Variants in RAX observed in about 807,000 individuals in gnomAD.
RAX encodes the protein retinal homeobox protein Rx.
RAX carries 11 observed loss-of-function variants against 17.4 expected under a neutral mutation model. The observed-to-expected ratio is 0.63, with a 90% CI of 0.40 to 1.05. RAX has a LOEUF of 1.05. Ranked by LOEUF, RAX falls within the 50% of genes least tolerant of loss-of-function variation. The pLI is 0.00. For synonymous variants in RAX, 276 were observed against 254.7 expected (o/e 1.08, Z -0.80); for missense variants, 527 against 501.1 (o/e 1.05, Z -0.49).
rs1486914123 is a variant in RAX, at chr18:59,272,424, G to T, written c.480C>A (p.Tyr160Ter). 6.2e-7 allele frequency: 1 copy of T among 1,614,138 alleles called. No individual in the cohort carries two copies. The highest frequency in any genetic ancestry group is 1.3e-5 in the African/African-American group (1 of 74,952). ...GCTCCTCGCGGCTGTACACGTCCGG[G>T]TAGTGGGACTTCTCGAACGCGCGCT... is the stretch of plus-strand genomic sequence containing the variant. ...ELERAFEKSH[Y>*]PDVYSREELA... is the part of the protein sequence containing the mutation. The change falls in exon 2 of 3, where the codon TAC (tyrosine) becomes TAA (stop). Residue 160 changes from tyrosine to a stop codon, truncating the protein, a stop_gained. Coordinates refer to ENST00000334889, the MANE Select transcript of RAX (RefSeq NM_013435.3). LOFTEE classifies it high-confidence loss of function.
intron 2 of RAX, among the ~76,000 whole-genome samples, chr18:59,271,878 T>C (rs1272385689): frequency 1.3e-5 from 2 of 152,168 alleles, no homozygotes; most frequent in African/African-American, 2.4e-5. Flanking sequence ...GAAAAGTCAG[T>C]TTCTTAAATA....
rs1262568707 is a variant in RAX at position 59,268,791 on chromosome 18, T to G, written c.*213A>C. 1 of 783,958 alleles carries G rather than the reference T, an allele frequency of 1.3e-6. No individual in the cohort carries two copies. Among genetic ancestry groups the G allele is most frequent in the Non-Finnish European group, 2.0e-6 (1 of 506,918 alleles). The allele number at this position is 783,958 out of a possible 1,614,324, so 48.6% of individuals were successfully genotyped here. ...CAGGGCTGAGGTCCGCGAAGTGCGT[T>G]GAGGCGGCCAGAGGGCCTCTCCTCA... is the stretch of plus-strand genomic sequence containing the variant. On this transcript the variant is annotated 3_prime_UTR_variant, in exon 3 of 3. Transcript: ENST00000334889. This position sits in a 1 kb window ranked among gnomAD's most constrained non-coding sequence, Gnocchi z 4.4.
In RAX at chr18:59,268,350, A is replaced by G. The variant is rs2070300489; in HGVS notation, c.*654T>C. On this transcript the variant is annotated 3_prime_UTR_variant, in exon 3 of 3. Coordinates refer to ENST00000334889, the MANE Select transcript of RAX (RefSeq NM_013435.3). The surrounding 1 kb of genome is among the most constrained non-coding windows in gnomAD (Gnocchi z 4.4). ...GGTCTAGGCCGCCGAAGCGTTCGGA[A>G]TGGGGACGATTCTCTGCTGCAGCGA... 6.6e-6 allele frequency: 1 copy of G among 152,504 alleles called. No homozygotes were observed. The allele number at this position is 152,504 out of a possible 1,614,324, so 9.4% of individuals were successfully genotyped here. A position where few individuals can be genotyped will look rare whatever the true frequency, so the allele number is the denominator to read the frequency against.
At chr18:59,269,737 TC>T (rs57811906) in intron 2 of RAX, among the ~76,000 whole-genome samples, 15,460 of 76,056 alleles carry the variant, frequency 0.2, 1,090 homozygotes, top group Admixed American at 0.28. Flanking sequence ...TCTCTCTCTC[TC>T]TTTTTTTTTT....
At position 59,267,061 on chromosome 18, in the gene RAX, T is replaced by C. The variant is rs1009093401; in HGVS notation, c.*1943A>G. 1 of 152,242 alleles carries C rather than the reference T, an allele frequency of 6.6e-6. No individual in the cohort carries two copies. Among genetic ancestry groups the C allele is most frequent in the East Asian group, 1.9e-4 (1 of 5,202 alleles). The allele number at this position is 152,242 out of a possible 1,614,324, so 9.4% of individuals were successfully genotyped here. On this transcript the variant is annotated 3_prime_UTR_variant, in exon 3 of 3. Transcript: ENST00000334889. ...TCTGGTTTTGTTTTGTTTTGTTTTCTTGCTAAAAGGTGATAACACACGGGC... is the reference window on the plus strand; with the variant it reads ...TCTGGTTTTGTTTTGTTTTGTTTTCCTGCTAAAAGGTGATAACACACGGGC...
Position 59,269,446 on chromosome 18 carries a change from G to A in RAX, c.599C>T (p.Ser200Phe). Reference protein sequence around the residue: ...KWRRQEKLEVSSMKLQDSPLL... With the variant: ...KWRRQEKLEVFSMKLQDSPLL... ...GGGCGAGTCCTGCAGCTTCATGGAG[G>A]ACACTTCCAGCTTCTCCTGCCGCCG... Residue 200 changes from serine to phenylalanine, a missense_variant, in exon 3 of 3, where the codon TCC becomes TTC. Coordinates refer to ENST00000334889, the MANE Select transcript of RAX (RefSeq NM_013435.3). The A allele has an allele frequency of 6.3e-7, 1 of 1,593,086 alleles. No individual in the cohort carries two copies. Among genetic ancestry groups the A allele is most frequent in the Non-Finnish European group, 8.5e-7 (1 of 1,178,012 alleles).
chr18:59,267,258 C>T lies in RAX; in HGVS notation c.*1746G>A, dbSNP rs75632360. ...CACAGCCCTGGTTATGCAATAGCCT[C>T]TTAGACCCGCAGAGAAAGGACTGGA... is the stretch of plus-strand genomic sequence containing the variant. On this transcript the variant is annotated 3_prime_UTR_variant, in exon 3 of 3. Transcript: ENST00000334889. 0.017 allele frequency: 2,516 copies of T among 152,306 alleles called. 73 individuals are homozygous for T. The highest frequency in any genetic ancestry group is 0.057 in the African/African-American group (2,378 of 41,534). 9.4% of individuals were successfully genotyped at this position (152,306 alleles called of 1,614,324 possible).
Position 59,267,214 on chromosome 18 carries a change from A to G in RAX, c.*1790T>C, listed in dbSNP as rs2070285410. On this transcript the variant is annotated 3_prime_UTR_variant, in exon 3 of 3. Transcript: ENST00000334889. ...ATCAGCCTACTGTGTGCAAGGCACCATCTGGAGGTCTAGGGGTACACAGCC... is the reference window on the plus strand; with the variant it reads ...ATCAGCCTACTGTGTGCAAGGCACCGTCTGGAGGTCTAGGGGTACACAGCC... The G allele has an allele frequency of 6.6e-6, 1 of 152,228 alleles. No homozygotes were observed. The highest frequency in any genetic ancestry group is 6.5e-5 in the Admixed American group (1 of 15,282). 9.4% of individuals were successfully genotyped at this position (152,228 alleles called of 1,614,324 possible). A position where few individuals can be genotyped will look rare whatever the true frequency, so the allele number is the denominator to read the frequency against.
rs763981650 is a variant in RAX at position 59,273,005 on chromosome 18, C to T, written c.202G>A (p.Gly68Ser). 156 of 1,527,330 alleles carry T rather than the reference C, an allele frequency of 1.0e-4. No homozygotes were observed. The highest frequency in any genetic ancestry group is 1.3e-4 in the Non-Finnish European group (147 of 1,143,978). 94.6% of individuals were successfully genotyped at this position (1,527,330 alleles called of 1,614,324 possible). The change falls in exon 1 of 3, where the codon GGC becomes AGC. Residue 68 changes from glycine to serine, a missense_variant. Gly to Ser is a moderately conservative substitution (Grantham distance 56). Transcript: ENST00000334889. ...RGAKERDRRL[G>S]ARPACPKAPE... ...GCCTTGGGGCAGGCGGGCCGCGCGCCCAGCCTCCTATCCCGCTCCTTCGCG... is the reference window on the plus strand; with the variant it reads ...GCCTTGGGGCAGGCGGGCCGCGCGCTCAGCCTCCTATCCCGCTCCTTCGCG...
rs1251707619 is a variant in RAX at position 59,273,249 on chromosome 18, G to A, written c.-43C>T. The A allele has an allele frequency of 1.3e-6, 2 of 1,505,628 alleles. No homozygotes were observed. The highest frequency in any genetic ancestry group is 1.4e-5 in the African/African-American group (1 of 71,044). The allele number at this position is 1,505,628 out of a possible 1,614,324, so 93.3% of individuals were successfully genotyped here. A position where few individuals can be genotyped will look rare whatever the true frequency, so the allele number is the denominator to read the frequency against. On this transcript the variant is annotated 5_prime_UTR_variant, in exon 1 of 3. Coordinates refer to ENST00000334889, the MANE Select transcript of RAX (RefSeq NM_013435.3). ...GGGAGGGCGCTTTGGAGACGGAGAG[G>A]AGAGGCTCGAAGCCGGGTCTTCCCG...
In RAX at chr18:59,272,348, C is replaced by G; in HGVS notation, c.543+13G>C. 2 of 1,614,248 alleles carry G rather than the reference C, an allele frequency of 1.2e-6. No homozygotes were observed. Among genetic ancestry groups the G allele is most frequent in the Non-Finnish European group, 1.7e-6 (2 of 1,180,052 alleles). On this transcript the variant is annotated intron_variant, in intron 2 of 2. Transcript: ENST00000334889. ...CCCTCCCAGATCCCAGTTCCTCAAC[C>G]TGGGCGCTTTACCTGGACCCGGACC...
chr18:59,272,479 G>A lies in RAX; in HGVS notation c.425C>T (p.Thr142Ile), dbSNP rs2070346090. ...PKKKHRRNRT[T>I]FTTYQLHELE... Reference sequence around the variant, plus strand: ...CTCATGCAGCTGGTACGTGGTGAAAGTCGTGCGGTTCCGCCGATGCTTTTT... The same window carrying A: ...CTCATGCAGCTGGTACGTGGTGAAAATCGTGCGGTTCCGCCGATGCTTTTT... Residue 142 changes from threonine to isoleucine, a missense_variant, in exon 2 of 3, where the codon ACT becomes ATT. Coordinates refer to ENST00000334889, the MANE Select transcript of RAX (RefSeq NM_013435.3). 2.2e-5 allele frequency: 35 copies of A among 1,614,140 alleles called. No individual in the cohort carries two copies. Among genetic ancestry groups the A allele is most frequent in the Non-Finnish European group, 2.9e-5 (34 of 1,180,054 alleles).
At position 59,273,257 on chromosome 18, in the gene RAX, C is replaced by T; in HGVS notation, c.-51G>A. Reference sequence around the variant, plus strand: ...GCTTTGGAGACGGAGAGGAGAGGCTCGAAGCCGGGTCTTCCCGAGTGCGGC... The same window carrying T: ...GCTTTGGAGACGGAGAGGAGAGGCTTGAAGCCGGGTCTTCCCGAGTGCGGC... On this transcript the variant is annotated 5_prime_UTR_variant, in exon 1 of 3. Coordinates refer to ENST00000334889, the MANE Select transcript of RAX (RefSeq NM_013435.3). The T allele has an allele frequency of 1.3e-6, 2 of 1,492,076 alleles. No individual in the cohort carries two copies. Among genetic ancestry groups the T allele is most frequent in the African/African-American group, 1.4e-5 (1 of 70,626 alleles). 92.4% of individuals were successfully genotyped at this position (1,492,076 alleles called of 1,614,324 possible). A position where few individuals can be genotyped will look rare whatever the true frequency, so the allele number is the denominator to read the frequency against.
chr18:59,272,902 A>T lies in RAX; in HGVS notation c.289+16T>A. The T allele has an allele frequency of 6.7e-7, 1 of 1,491,824 alleles. No individual in the cohort carries two copies. Among genetic ancestry groups the T allele is most frequent in the East Asian group, 2.4e-5 (1 of 42,034 alleles). The allele number at this position is 1,491,824 out of a possible 1,614,324, so 92.4% of individuals were successfully genotyped here. On this transcript the variant is annotated intron_variant, in intron 1 of 2. Transcript: ENST00000334889. ...GGCGCCCGAACGGCCTCGCACAGCC[A>T]GGGGTGCGCACTCACCTTCGTACTC...
chr18:59,273,311 G>A lies in RAX; in HGVS notation c.-105C>T, dbSNP rs1322200484. 1 of 1,215,694 alleles carries A rather than the reference G, an allele frequency of 8.2e-7. No individual in the cohort carries two copies. The highest frequency in any genetic ancestry group is 2.8e-5 in the East Asian group (1 of 35,094). The allele number at this position is 1,215,694 out of a possible 1,614,324, so 75.3% of individuals were successfully genotyped here. ...GCAACCCGACGGGTCCCGACCCTAG[G>A]TCAAGCTCCGCGGGCGAAGCCCGCC... On this transcript the variant is annotated 5_prime_UTR_variant, in exon 1 of 3. Transcript: ENST00000334889.
At chr18:59,271,414 T>C (rs2070337550) in intron 2 of RAX, among the ~76,000 whole-genome samples, 2 of 152,266 alleles carry the variant, frequency 1.3e-5, no homozygotes, top group African/African-American at 4.8e-5. Flanking sequence ...GAACTGTCCT[T>C]GCTGGTTAAT....
In RAX at chr18:59,272,392, C is replaced by A. The variant is rs920226416; in HGVS notation, c.512G>T (p.Gly171Val). The A allele has an allele frequency of 1.9e-6, 3 of 1,614,142 alleles. No homozygotes were observed. The African/African-American group carries it at 4.0e-5, about 22-fold the overall frequency. Reference sequence around the variant, plus strand: ...CCGGACCTCTGGTAGGTTGACCTTGCCGGCCAGCTCCTCGCGGCTGTACAC... The same window carrying A: ...CCGGACCTCTGGTAGGTTGACCTTGACGGCCAGCTCCTCGCGGCTGTACAC... ...PDVYSREELA[G>V]KVNLPEVRVQ... The change falls in exon 2 of 3, where the codon GGC becomes GTC. Residue 171 changes from glycine to valine, a missense_variant. Physicochemically the swap from Gly to Val is moderately radical, Grantham distance 109. Coordinates refer to ENST00000334889, the MANE Select transcript of RAX (RefSeq NM_013435.3).
intron 2 of RAX, among the ~76,000 whole-genome samples, chr18:59,269,972 G>T (rs2070324544): frequency 6.6e-6 from 1 of 152,152 alleles, no homozygotes; most frequent in South Asian, 2.1e-4. Context: ...TGACCTTCTG[G>T]TTGGCAGCCC....
At chr18:59,270,922 G>T (rs1023066887) in intron 2 of RAX, among the ~76,000 whole-genome samples, 1 of 152,168 alleles carries the variant, frequency 6.6e-6, no homozygotes. Flanking sequence ...TTCCCTGTCT[G>T]TCCCACTCAA....
Sources: allele counts gnomAD v4.1 joint callset (sites outside exome capture counted in the v4.1 genomes callset), GRCh38; gene constraint gnomAD v4.1.1; non-coding constraint Gnocchi (gnomAD v3.1); transcripts MANE v1.5; gene names NCBI Gene and HGNC (gene_info 2026-07-23, HGNC 2026-07-21).